Variants in CD2AP observed in about 807,000 individuals in gnomAD.
CD2AP encodes CD2-associated protein.
Under a neutral mutation model 85.1 loss-of-function variants are expected in CD2AP, and 46 were observed. The observed-to-expected ratio is 0.54, with a 90% confidence interval of 0.43 to 0.69. The LOEUF (loss-of-function observed/expected upper bound fraction) is 0.69, where lower values mean the gene tolerates loss of function less well. CD2AP is among the 30% of genes least tolerant of loss of function. The pLI, the probability that CD2AP is intolerant of heterozygous loss-of-function variation, is 0.00. For synonymous variants in CD2AP, 255 were observed against 252.9 expected (o/e 1.01, Z -0.08); for missense variants, 769 against 729.5 (o/e 1.05, Z -0.62).
intron 5 of CD2AP, among the ~76,000 whole-genome samples, chr6:47,569,553 G>GCATC (rs1476120426): frequency 6.6e-6 from 1 of 151,576 alleles, no homozygotes; most frequent in East Asian, 1.9e-4. Context: ...CTAGATGGAT[G>GCATC]CATCACACAA....
At chr6:47,580,788 A>C in intron 9 of CD2AP, 76 bp from the exon 10 acceptor site, 1 of 946,606 alleles carries the variant, frequency 1.1e-6, no homozygotes, top group Non-Finnish European at 1.7e-6. Flanking sequence ...AATTTAGATT[A>C]TTACTAATTA....
At chr6:47,602,038 T>G (rs1254781127) in intron 13 of CD2AP, among the ~76,000 whole-genome samples, 3 of 151,992 alleles carry the variant, frequency 2.0e-5, no homozygotes, top group Non-Finnish European at 4.4e-5. Flanking sequence ...CTCCATTGTT[T>G]TAAACCCATC....
intron 17 of CD2AP, among the ~76,000 whole-genome samples, chr6:47,620,867 A>G (rs1561836772): frequency 6.6e-6 from 1 of 152,194 alleles, no homozygotes; most frequent in Non-Finnish European, 1.5e-5. Flanking sequence ...GTTGGTGTAT[A>G]GAAGAGCTAC....
chr6:47,477,986 C>G lies in CD2AP; in HGVS notation c.-259C>G, dbSNP rs936228355. The G allele has an allele frequency of 1.4e-5, 8 of 567,118 alleles. No individual in the cohort carries two copies. Among genetic ancestry groups the G allele is most frequent in the Non-Finnish European group, 2.5e-5 (8 of 320,274 alleles). The allele number at this position is 567,118 out of a possible 1,614,324, so 35.1% of individuals were successfully genotyped here. On this transcript the variant is annotated 5_prime_UTR_variant, in exon 1 of 18. Transcript: ENST00000359314. The stretch of plus-strand genomic sequence containing the variant: ...GCGGTCGGGCGGGCGGGGTAGGGCC[C>G]TCCCGCCGCCGTGGCTCCTGGGGAG...
intron 5 of CD2AP, among the ~76,000 whole-genome samples, chr6:47,555,922 T>C (rs1200455596): frequency 6.6e-6 from 1 of 152,094 alleles, no homozygotes; most frequent in Non-Finnish European, 1.5e-5. Flanking sequence ...CTTTTATCAG[T>C]ACTTTCAGTG....
chr6:47,565,621 G>GAAATTCGA (rs1193602680), intron 5 of CD2AP, among the ~76,000 whole-genome samples: 1 of 151,998 alleles, frequency 6.6e-6, no homozygotes, highest in Non-Finnish European at 1.5e-5. Context: ...GAGTTAAGGA[G>GAAATTCGA]AAATTCATCC....
chr6:47,494,694 C>T (rs1240062609), intron 1 of CD2AP, among the ~76,000 whole-genome samples: 2 of 152,194 alleles, frequency 1.3e-5, no homozygotes, highest in African/African-American at 2.4e-5. Flanking sequence ...GTGGGGACTC[C>T]CCCATAGGAC....
intron 1 of CD2AP, among the ~76,000 whole-genome samples, chr6:47,482,995 A>G (rs1286309639): frequency 1.3e-5 from 2 of 152,230 alleles, no homozygotes; most frequent in East Asian, 3.8e-4. Context: ...TTCTTAGGTA[A>G]ACTGATGAAG....
intron 5 of CD2AP, among the ~76,000 whole-genome samples, chr6:47,561,599 A>C (rs558845967): frequency 6.6e-6 from 1 of 152,124 alleles, no homozygotes; most frequent in Non-Finnish European, 1.5e-5. Context: ...TTACATGCAC[A>C]TACAATCCCA....
At chr6:47,502,526 G>A (rs1349995817) in intron 1 of CD2AP, among the ~76,000 whole-genome samples, 6 of 143,832 alleles carry the variant, frequency 4.2e-5, no homozygotes, top group Non-Finnish European at 7.5e-5. Context: ...ACGGAGTCTC[G>A]CTCTGTTGCC....
chr6:47,487,536 A>G (rs1166359825), intron 1 of CD2AP, among the ~76,000 whole-genome samples: 1 of 152,048 alleles, frequency 6.6e-6, no homozygotes, highest in African/African-American at 2.4e-5. Context: ...TAAAAATACA[A>G]AAAATTAGCC....
intron 2 of CD2AP, among the ~76,000 whole-genome samples, chr6:47,521,837 G>A (rs1766605486): frequency 6.6e-6 from 1 of 151,834 alleles, no homozygotes. Flanking sequence ...CCAACGTGGA[G>A]AAATCCCGTC....
At chr6:47,533,516 T>C in intron 2 of CD2AP, 86 bp from the exon 3 acceptor site, 1 of 1,219,792 alleles carries the variant, frequency 8.2e-7, no homozygotes, top group Non-Finnish European at 1.2e-6. Flanking sequence ...GTAATTACTG[T>C]AGCTATTTTT....
At chr6:47,481,463 A>T (rs1218905341) in intron 1 of CD2AP, among the ~76,000 whole-genome samples, 1 of 152,002 alleles carries the variant, frequency 6.6e-6, no homozygotes, top group Non-Finnish European at 1.5e-5. Context: ...CTCTTGTCTC[A>T]TCCTCCTCAG....
chr6:47,595,992 GA>G lies in CD2AP; in HGVS notation c.1245del (p.Lys415AsnfsTer9). The G allele has an allele frequency of 6.2e-7, 1 of 1,612,688 alleles. No homozygotes were observed. The highest frequency in any genetic ancestry group is 8.5e-7 in the Non-Finnish European group (1 of 1,179,012). Reference sequence around the variant, plus strand: ...TGGAACAGTGTACCCAAAGCGACCTGAAAAACCAGTTCCTCCACCACCTCCT... The same window carrying G: ...TGGAACAGTGTACCCAAAGCGACCTGAAAACCAGTTCCTCCACCACCTCCT... Reference protein sequence around the residue: ...SSGTVYPKRPEKPVPPPPPIA... With the variant: ...SSGTVYPKRPXKPVPPPPPIA... On this transcript the variant is annotated frameshift_variant, in exon 12 of 18. Coordinates refer to ENST00000359314, the MANE Select transcript of CD2AP (RefSeq NM_012120.3). LOFTEE classifies it high-confidence loss of function.
chr6:47,589,579 T>TATATATATATATATATATATATATA (rs1768735478), intron 11 of CD2AP, among the ~76,000 whole-genome samples: 1 of 148,830 alleles, frequency 6.7e-6, no homozygotes, highest in African/African-American at 2.5e-5. Flanking sequence ...TATATATATA[T>TATATATATATATATATATATATATA]ATTTGTCAGA....
chr6:47,492,347 CTTTTTTTT>C (rs70999626), intron 1 of CD2AP, among the ~76,000 whole-genome samples: 96 of 95,514 alleles, frequency 1.0e-3, no homozygotes, highest in African/African-American at 3.3e-3. Flanking sequence ...CACCTGTAAT[CTTTTTTTT>C]TTTTTTTTTT....
chr6:47,607,534 A>G (rs965386690), intron 14 of CD2AP, among the ~76,000 whole-genome samples: 1 of 151,960 alleles, frequency 6.6e-6, no homozygotes, highest in Non-Finnish European at 1.5e-5. Flanking sequence ...TTTGATTTGT[A>G]TTTCTCTGAT....
At chr6:47,600,690 A>T (rs1215326401) in intron 13 of CD2AP, among the ~76,000 whole-genome samples, 3 of 151,994 alleles carry the variant, frequency 2.0e-5, no homozygotes, top group Admixed American at 2.0e-4. Flanking sequence ...ATTGTTTGAT[A>T]AACAGAAAAA....
Sources: gnomAD v4.1 joint callset for allele counts (sites outside exome capture counted in the v4.1 genomes callset) on GRCh38, gnomAD v4.1.1 for gene constraint, MANE v1.5 for transcripts, NCBI Gene and HGNC (gene_info 2026-07-23, HGNC 2026-07-21) for gene names.